ACTR5: variants seen among roughly 807,000 people sequenced by gnomAD.
ACTR5 encodes actin related protein 5, also known as actin-related protein 5.
A neutral mutation model predicts 61.2 loss-of-function variants in ACTR5; 43 were observed. That is an observed-to-expected ratio of 0.70 (90% CI 0.55 to 0.91). The LOEUF (loss-of-function observed/expected upper bound fraction) is 0.91. ACTR5 is among the 40% of genes least tolerant of loss of function. The pLI is 0.00. For missense variants in ACTR5, 798 were observed against 782.2 expected (o/e 1.02, Z -0.24); for synonymous variants, 333 against 310.5 (o/e 1.07, Z -0.76).
At chr20:38,759,573 AT>A (rs1005017153) in intron 5 of ACTR5, among the ~76,000 whole-genome samples, 56 of 151,464 alleles carry the variant, frequency 3.7e-4, no homozygotes, top group Admixed American at 5.3e-4. Flanking sequence ...GTGAATGTTG[AT>A]TTTTTTTTGG....
intron 3 of ACTR5, 115 bp downstream of exon 3, chr20:38,752,415 T>C: frequency 8.6e-7 from 1 of 1,164,342 alleles, no homozygotes; most frequent in East Asian, 2.6e-5. Context: ...CTTCCCCTTT[T>C]TGTATTCCCT....
At chr20:38,754,715 A>G (rs2084408358) in intron 3 of ACTR5, among the ~76,000 whole-genome samples, 1 of 151,872 alleles carries the variant, frequency 6.6e-6, no homozygotes. Context: ...GAGCCTCCCG[A>G]GTACCTGGGA....
rs17853827 is a variant in ACTR5 at position 38,767,524 on chromosome 20, G to A, written c.1494G>A (p.Thr498=). 1.8e-4 allele frequency: 289 copies of A among 1,614,138 alleles called. 2 individuals carry two copies. The African/African-American group carries it at 3.3e-3, about 19-fold the overall frequency. Residue 498 remains threonine, a synonymous_variant, in exon 8 of 9, where the codon ACG becomes ACA. Transcript: ENST00000243903. ...ACGTTTTCCTCACTGGCGGCAACAC[G>A]ATGTATCCTGGCATGAAAGCCAGAA... ...VQNVFLTGGN[T]MYPGMKARME...
At chr20:38,757,384 C>T (rs1007588183) in intron 5 of ACTR5, among the ~76,000 whole-genome samples, 4 of 152,140 alleles carry the variant, frequency 2.6e-5, no homozygotes, top group African/African-American at 9.7e-5. Flanking sequence ...CATCCTGTTC[C>T]TGGATCTGTC....
chr20:38,749,298 A>C lies in ACTR5; in HGVS notation c.375+445A>C, dbSNP rs7271107. 4.6e-3 allele frequency among the ~76,000 whole-genome samples: 696 copies of C among 152,188 alleles called. 5 individuals carry two copies. Among genetic ancestry groups the C allele is most frequent in the African/African-American group, 0.016 (647 of 41,516 alleles). ...TTTTCAGTAAGATGGTCAGGGTAGG[A>C]CTCGTGAAGGTGATGTTTGAGCAAG... On this transcript the variant is annotated intron_variant, in intron 1 of 8. Transcript: ENST00000243903.
At chr20:38,770,279 G>T (rs944517811) in intron 8 of ACTR5, among the ~76,000 whole-genome samples, 3 of 152,198 alleles carry the variant, frequency 2.0e-5, no homozygotes. Flanking sequence ...ACCCCAAGAT[G>T]TGCAAATTTA....
rs779765563 is a variant in ACTR5, at chr20:38,767,516, G to A, written c.1486G>A (p.Gly496Ser). ...MLVQNVFLTGGNTMYPGMKAR... is the reference protein window; with the variant it reads ...MLVQNVFLTGSNTMYPGMKAR... ...GGTTCAGAACGTTTTCCTCACTGGC[G>A]GCAACACGATGTATCCTGGCATGAA... The change falls in exon 8 of 9, where the codon GGC becomes AGC. Residue 496 changes from glycine to serine, a missense_variant. Transcript: ENST00000243903. 2.4e-5 allele frequency: 38 copies of A among 1,613,962 alleles called. No homozygotes were observed. The highest frequency in any genetic ancestry group is 3.1e-5 in the Non-Finnish European group (36 of 1,180,002).
chr20:38,753,136 A>G (rs1447659144), intron 3 of ACTR5, among the ~76,000 whole-genome samples: 1 of 152,224 alleles, frequency 6.6e-6, no homozygotes, highest in African/African-American at 2.4e-5. Flanking sequence ...GCTTGCCAGA[A>G]GACACGGCTG....
intron 5 of ACTR5, among the ~76,000 whole-genome samples, 179 bp from the exon 6 acceptor site, chr20:38,765,223 C>A (rs896448669): frequency 5.9e-5 from 9 of 152,180 alleles, no homozygotes; most frequent in African/African-American, 1.9e-4. Context: ...CCGTTCCTGG[C>A]TTTTTAGTCT....
chr20:38,757,932 C>CTTTGAGA (rs2084430236), intron 5 of ACTR5, among the ~76,000 whole-genome samples: 1 of 151,340 alleles, frequency 6.6e-6, no homozygotes, highest in Admixed American at 6.6e-5. Context: ...TTTTTCAGGT[C>CTTTGAGA]TTTGAGATTT....
chr20:38,759,406 A>C (rs1027092542), intron 5 of ACTR5, among the ~76,000 whole-genome samples: 1 of 152,214 alleles, frequency 6.6e-6, no homozygotes, highest in Non-Finnish European at 1.5e-5. Flanking sequence ...AGAGAAAACT[A>C]TTCTCTGTTG....
chr20:38,771,201 C>T (rs1026096978), intron 8 of ACTR5, among the ~76,000 whole-genome samples: 9 of 152,214 alleles, frequency 5.9e-5, no homozygotes, highest in South Asian at 2.1e-4. Flanking sequence ...GAGTGGGGAG[C>T]GGGGCCAGGA....
At chr20:38,751,289 A>G (rs956878960) in intron 2 of ACTR5, among the ~76,000 whole-genome samples, 1 of 152,232 alleles carries the variant, frequency 6.6e-6, no homozygotes, top group African/African-American at 2.4e-5. Flanking sequence ...AGGTAATGGC[A>G]CTTTGTAAAC....
In ACTR5 at chr20:38,767,566, G is replaced by T. The variant is rs1049604731; in HGVS notation, c.1536G>T (p.Leu512Phe). Residue 512 changes from leucine (L) to phenylalanine (F), a missense_variant, in exon 8 of 9, where the codon TTG (leucine) becomes TTT (phenylalanine). By Grantham distance (22) the Leu-to-Phe change is conservative. Coordinates refer to ENST00000243903, the MANE Select transcript of ACTR5 (RefSeq NM_024855.4). ...AAGCCAGAATGGAGAAGGAACTGTT[G>T]GAGATGAGACCCTTCCGGTCTTCTT... ...GMKARMEKEL[L>F]EMRPFRSSFQ... The T allele has an allele frequency of 2.5e-6, 4 of 1,613,880 alleles. No individual in the cohort carries two copies. The African/African-American group carries it at 4.0e-5, about 16-fold the overall frequency.
intron 5 of ACTR5, among the ~76,000 whole-genome samples, chr20:38,762,550 C>T (rs1303925201): frequency 2.6e-5 from 4 of 152,218 alleles, no homozygotes; most frequent in East Asian, 1.9e-4. Context: ...ACTGTTGTGA[C>T]CTTCTTTTAA....
chr20:38,766,509 T>C (rs1349309825), intron 7 of ACTR5, 132 bp downstream of exon 7: 1 of 1,186,186 alleles, frequency 8.4e-7, no homozygotes, highest in African/African-American at 1.5e-5. Flanking sequence ...CTTGCTGTGC[T>C]CAGATAGTAT....
intron 5 of ACTR5, among the ~76,000 whole-genome samples, chr20:38,756,478 T>G (rs1425105386): frequency 2.6e-5 from 4 of 152,248 alleles, no homozygotes; most frequent in Non-Finnish European, 2.9e-5. Context: ...CAGCAGTTGG[T>G]AGTTATGCTC....
At position 38,752,305 on chromosome 20, in the gene ACTR5, C is replaced by A. The variant is rs1026233728; in HGVS notation, c.775+5C>A. 1 of 1,583,642 alleles carries A rather than the reference C, an allele frequency of 6.3e-7. No individual in the cohort carries two copies. Among genetic ancestry groups the A allele is most frequent in the African/African-American group, 1.4e-5 (1 of 74,058 alleles). On this transcript the variant is annotated splice_donor_5th_base_variant and intron_variant, in intron 3 of 8. Coordinates refer to ENST00000243903, the MANE Select transcript of ACTR5 (RefSeq NM_024855.4). ...TCGCTGAGGATTATGTGGAAGGTAT[C>A]CAAGAGGATGTTTGCCTGCAGCTTT...
At chr20:38,769,422 G>A (rs1292381951) in intron 8 of ACTR5, among the ~76,000 whole-genome samples, 2 of 152,202 alleles carry the variant, frequency 1.3e-5, no homozygotes, top group African/African-American at 4.8e-5. Context: ...TGTGAAAGAG[G>A]CTAAGGCAGT....
Sources: allele counts gnomAD v4.1 joint callset (sites outside exome capture counted in the v4.1 genomes callset), GRCh38; gene constraint gnomAD v4.1.1; transcripts MANE v1.5; gene names NCBI Gene and HGNC (gene_info 2026-07-23, HGNC 2026-07-21).